Variants in TMC6 observed in about 807,000 individuals in gnomAD.
TMC6 encodes transmembrane channel like 6.
TMC6 carries 71 observed loss-of-function variants against 95.4 expected under a neutral mutation model. The observed-to-expected ratio is 0.74, with a 90% CI of 0.61 to 0.91. TMC6 has a LOEUF of 0.91. Among genes scored for constraint, TMC6 ranks in the 40% least tolerant of loss-of-function variants. The probability of loss-of-function intolerance (pLI) is 0.00; values close to 1 mark genes in which losing one functional copy is unlikely to be tolerated. For synonymous variants in TMC6, 514 were observed against 483.1 expected, an observed-to-expected ratio of 1.06 and a Z score of -0.84; for missense variants, 1,074 against 1,079.1, an observed-to-expected ratio of 1.00 and a Z score of 0.07.
rs1332826802 is a variant in TMC6 at position 78,107,970 on chromosome 17, G to A, written c.*5178C>T. 1.3e-5 allele frequency: 2 copies of A among 152,220 alleles called. No individual in the cohort carries two copies. Among genetic ancestry groups the A allele is most frequent in the East Asian group, 1.9e-4 (1 of 5,202 alleles). The allele number at this position is 152,220 out of a possible 1,614,324, so 9.4% of individuals were successfully genotyped here. A position where few individuals can be genotyped will look rare whatever the true frequency, so the allele number is the denominator to read the frequency against. The stretch of plus-strand genomic sequence containing the variant: ...CTTTGAGCACAGTGGAACTTCAGAA[G>A]CACAACCAGCCTAACCCCAGAATCT... On this transcript the variant is annotated 3_prime_UTR_variant, in exon 20 of 20. Transcript: ENST00000590602.
At chr17:78,129,438 C>T (rs895097137), upstream of TMC6, among the ~76,000 whole-genome samples, 2 of 152,106 alleles carry the variant, frequency 1.3e-5, no homozygotes, top group Non-Finnish European at 2.9e-5. The surrounding 1 kb of genome is among the most constrained non-coding windows in gnomAD (Gnocchi z 4.3). Context: ...TTAGGGTGCC[C>T]CCAGCCAAAG....
At chr17:78,125,411 G>A (rs540492016) in intron 5 of TMC6, 148 bp from the exon 6 acceptor site, 45 of 822,444 alleles carry the variant, frequency 5.5e-5, no homozygotes, top group Non-Finnish European at 7.0e-5. Context: ...CCAATCAGCC[G>A]TGTGTTTGCT....
chr17:78,126,340 G>A lies in TMC6; in HGVS notation c.208C>T (p.Pro70Ser), dbSNP rs1159157986. ...GTGGCCGTGCTCTGGGTGCCCTCGG[G>A]CCGCCAGAGTGTCTGCTGGCTACTT... is the stretch of plus-strand genomic sequence containing the variant. ...TGSSQQTLWR[P>S]EGTQSTATLR... Residue 70 changes from proline to serine, a missense_variant, in exon 4 of 20, where the codon CCC becomes TCC. Coordinates refer to ENST00000590602, the MANE Select transcript of TMC6 (RefSeq NM_001127198.5). 5 of 1,581,992 alleles carry A rather than the reference G, an allele frequency of 3.2e-6. No homozygotes were observed. The highest frequency in any genetic ancestry group is 4.3e-6 in the Non-Finnish European group (5 of 1,168,970).
intron 18 of TMC6, 88 bp downstream of exon 18, chr17:78,117,181 A>G (rs1035850509): frequency 1.4e-6 from 2 of 1,392,040 alleles, no homozygotes; most frequent in African/African-American, 2.8e-5. Flanking sequence ...CAAGGCCCAC[A>G]GGAGATGTAC....
Position 78,126,359 on chromosome 17 carries a change from G to C in TMC6, c.189C>G (p.Ser63Arg), listed in dbSNP as rs1376157252. The change falls in exon 4 of 20, where the codon AGC becomes AGG. Residue 63 changes from serine to arginine, a missense_variant. Coordinates refer to ENST00000590602, the MANE Select transcript of TMC6 (RefSeq NM_001127198.5). ...CCTCGGGCCGCCAGAGTGTCTGCTG[G>C]CTACTTCCTACAAAGCAAGAAAGAC... The part of the protein sequence containing the change: ...QQREREVTGS[S>R]QQTLWRPEGT... 2.5e-6 allele frequency: 4 copies of C among 1,590,134 alleles called. No individual in the cohort carries two copies. Among genetic ancestry groups the C allele is most frequent in the African/African-American group, 1.3e-5 (1 of 74,700 alleles).
chr17:78,120,956 C>G, intron 12 of TMC6, 57 bp downstream of exon 12: 1 of 1,612,784 alleles, frequency 6.2e-7, no homozygotes, highest in Non-Finnish European at 8.5e-7. Flanking sequence ...ACACCCGGAG[C>G]TAAACAACCA....
rs761499326 is a variant in TMC6, at chr17:78,126,365, T to G, written c.183A>C (p.Gly61=). ...ELQQREREVT[G]SSQQTLWRPE... is the part of the protein sequence containing the mutation. ...GCCGCCAGAGTGTCTGCTGGCTACTTCCTACAAAGCAAGAAAGACTCACCA... is the reference window on the plus strand; with the variant it reads ...GCCGCCAGAGTGTCTGCTGGCTACTGCCTACAAAGCAAGAAAGACTCACCA... Residue 61 remains glycine (G), a splice_region_variant and synonymous_variant, in exon 4 of 20, where the codon GGA becomes GGC. Coordinates refer to ENST00000590602, the MANE Select transcript of TMC6 (RefSeq NM_001127198.5). 6.3e-7 allele frequency: 1 copy of G among 1,592,574 alleles called. No homozygotes were observed. Among genetic ancestry groups the G allele is most frequent in the Admixed American group, 1.7e-5 (1 of 58,336 alleles).
intron 4 of TMC6, 137 bp downstream of exon 4, chr17:78,126,140 G>C: frequency 7.6e-7 from 1 of 1,310,928 alleles, no homozygotes; most frequent in Non-Finnish European, 1.0e-6. Flanking sequence ...TGGGCTAGGA[G>C]CCCGCCCTGG....
rs3834968 is a variant in TMC6, at chr17:78,128,729, A to AG, written c.-193dup. The AG allele has an allele frequency of 0.33, 44,503 of 135,578 alleles. 8,108 individuals are homozygous for AG. The highest frequency in any genetic ancestry group is 0.54 in the African/African-American group (20,728 of 38,574). The allele number at this position is 135,578 out of a possible 1,614,324, so 8.4% of individuals were successfully genotyped here. On this transcript the variant is annotated 5_prime_UTR_variant, in exon 1 of 20. Transcript: ENST00000590602. The surrounding 1 kb of genome is among the most constrained non-coding windows in gnomAD (Gnocchi z 4.0). ...TGCCAAGGGAGTGGCAAAGGGCCCC[A>AG]GGGGCGACTGGGCCAGTCGCAGGTC...
At position 78,108,428 on chromosome 17, in the gene TMC6, G is replaced by C. The variant is rs2073747289; in HGVS notation, c.*4720C>G. The C allele has an allele frequency of 6.5e-6, 1 of 154,878 alleles. No homozygotes were observed. The highest frequency in any genetic ancestry group is 2.4e-5 in the African/African-American group (1 of 41,532). 9.6% of individuals were successfully genotyped at this position (154,878 alleles called of 1,614,324 possible). A position where few individuals can be genotyped will look rare whatever the true frequency, so the allele number is the denominator to read the frequency against. On this transcript the variant is annotated 3_prime_UTR_variant, in exon 20 of 20. Coordinates refer to ENST00000590602, the MANE Select transcript of TMC6 (RefSeq NM_001127198.5). ...TTGAACCTGGAAGCGGCAACCCTCAGCTCTGCGCGGCCGAGCCTCAGCAAG... is the reference window on the plus strand; with the variant it reads ...TTGAACCTGGAAGCGGCAACCCTCACCTCTGCGCGGCCGAGCCTCAGCAAG...
chr17:78,115,662 CGAAG>C (rs2074051644), intron 18 of TMC6, among the ~76,000 whole-genome samples: 1 of 136,834 alleles, frequency 7.3e-6, no homozygotes, highest in African/African-American at 2.8e-5. Flanking sequence ...GGCACAGGGG[CGAAG>C]GGAGTGGGCA....
intron 18 of TMC6, chr17:78,113,884 C>T (rs1463817152): frequency 1.0e-5 from 5 of 497,946 alleles, no homozygotes; most frequent in African/African-American, 3.9e-5. Context: ...CAGAGCCAGC[C>T]TGACTCAATT....
chr17:78,126,920 G>A lies in TMC6; in HGVS notation c.-74-14C>T, dbSNP rs2074748810. On this transcript the variant is annotated splice_polypyrimidine_tract_variant and intron_variant, in intron 1 of 19. Transcript: ENST00000590602. ...CGGAGCCCCCATCTGATGAGACAGG[G>A]GCACAGAGCCAGGGGTGGTCTTCAA... 6.7e-7 allele frequency: 1 copy of A among 1,492,024 alleles called. No homozygotes were observed. The highest frequency in any genetic ancestry group is 1.2e-5 in the South Asian group (1 of 84,346). 92.4% of individuals were successfully genotyped at this position (1,492,024 alleles called of 1,614,324 possible).
Position 78,111,053 on chromosome 17 carries a change from C to G in TMC6, c.*2095G>C, listed in dbSNP as rs1211463996. The G allele has an allele frequency of 6.6e-6, 1 of 152,348 alleles. No homozygotes were observed. Among genetic ancestry groups the G allele is most frequent in the East Asian group, 1.9e-4 (1 of 5,192 alleles). The allele number at this position is 152,348 out of a possible 1,614,324, so 9.4% of individuals were successfully genotyped here. ...AAGGCAGAATTCCCTCTCTGGGACA[C>G]CTCGGGTTTTGCTCTTAAAGCTTTC... On this transcript the variant is annotated 3_prime_UTR_variant, in exon 20 of 20. Transcript: ENST00000590602.
Position 78,122,694 on chromosome 17 carries a change from C to T in TMC6, c.1138G>A (p.Ala380Thr), listed in dbSNP as rs369389565. 1.4e-5 allele frequency: 23 copies of T among 1,611,488 alleles called. No homozygotes were observed. The highest frequency in any genetic ancestry group is 4.5e-5 in the East Asian group (2 of 44,814). Residue 380 changes from alanine (A) to threonine (T), a missense_variant, in exon 10 of 20, where the codon GCC (alanine) becomes ACC (threonine). Ala to Thr is a moderately conservative substitution (Grantham distance 58). Coordinates refer to ENST00000590602, the MANE Select transcript of TMC6 (RefSeq NM_001127198.5). The surrounding 1 kb of genome is among the most constrained non-coding windows in gnomAD (Gnocchi z 4.9). The stretch of plus-strand genomic sequence containing the variant: ...TCCCAGGAGCAGAAGACGGTGATGG[C>T]GTGGATGCCAGAGGTGCTGCCCACC... ...YRVGSTSGIH[A>T]ITVFCSWDYK... is the part of the protein sequence containing the mutation.
chr17:78,117,118 A>C (rs1200168311), intron 18 of TMC6, 151 bp downstream of exon 18: 19 of 741,904 alleles, frequency 2.6e-5, no homozygotes, highest in Non-Finnish European at 2.5e-5. Flanking sequence ...CTTGATCTGA[A>C]GTGCACGTAT....
Position 78,126,310 on chromosome 17 carries a change from G to C in TMC6, c.238C>G (p.Arg80Gly), listed in dbSNP as rs564531007. Residue 80 changes from arginine to glycine, a missense_variant, in exon 4 of 20, where the codon CGC becomes GGC. Transcript: ENST00000590602. ...CGGCTGGGCATGCTGGCCAGGATGC[G>C]GAGTGTGGCCGTGCTCTGGGTGCCC... ...PEGTQSTATL[R>G]ILASMPSRTI... is the part of the protein sequence containing the mutation. The C allele has an allele frequency of 6.4e-7, 1 of 1,569,038 alleles. No homozygotes were observed. Among genetic ancestry groups the C allele is most frequent in the Non-Finnish European group, 8.6e-7 (1 of 1,161,698 alleles).
chr17:78,117,987 T>TC (rs1407158879), intron 15 of TMC6, 52 bp from the exon 16 acceptor site: 3 of 1,566,618 alleles, frequency 1.9e-6, no homozygotes, highest in African/African-American at 2.7e-5. Flanking sequence ...TCAGCACCCC[T>TC]CCAAGCCCTG....
intron 15 of TMC6, 132 bp downstream of exon 15, chr17:78,118,839 A>C: frequency 1.0e-6 from 1 of 976,924 alleles, no homozygotes; most frequent in African/African-American, 1.6e-5. Context: ...AGGCCAGGGC[A>C]GCCCCGAGCC....
Sources: allele counts gnomAD v4.1 joint callset (sites outside exome capture counted in the v4.1 genomes callset), GRCh38; gene constraint gnomAD v4.1.1; non-coding constraint Gnocchi (gnomAD v3.1); transcripts MANE v1.5; gene names NCBI Gene and HGNC (gene_info 2026-07-23, HGNC 2026-07-21).